Variants in PLEKHM2 observed in about 807,000 individuals in gnomAD.
The protein encoded by PLEKHM2 is pleckstrin homology domain-containing family M member 2.
PLEKHM2 carries 77 observed loss-of-function variants against 116.3 expected under a neutral mutation model. The observed-to-expected ratio is 0.66, with a 90% CI of 0.55 to 0.80. PLEKHM2 has a LOEUF of 0.80. PLEKHM2 is among the 30% of genes least tolerant of loss of function. The pLI is 0.00. For missense variants in PLEKHM2, 1,183 were observed against 1,354.9 expected, an observed-to-expected ratio of 0.87 and a Z score of 1.99; for synonymous variants, 562 against 571.0, an observed-to-expected ratio of 0.98 and a Z score of 0.22.
At chr1:15,731,530 T>C (rs764978050) in intron 16 of PLEKHM2, among the ~76,000 whole-genome samples, 3 of 152,072 alleles carry the variant, frequency 2.0e-5, no homozygotes, top group African/African-American at 4.8e-5. Flanking sequence ...TGATGGGAGA[T>C]GGACGTTCGG....
intron 1 of PLEKHM2, among the ~76,000 whole-genome samples, chr1:15,688,627 G>A (rs961353967): frequency 6.7e-6 from 1 of 149,564 alleles, no homozygotes; most frequent in East Asian, 2.0e-4. Flanking sequence ...TCCAGCGTGG[G>A]TGACAGAGGG....
At chr1:15,682,087 A>T (rs150263500), upstream of PLEKHM2, among the ~76,000 whole-genome samples, 1,657 of 152,138 alleles carry the variant, frequency 0.011, 30 homozygotes, top group African/African-American at 0.036. Context: ...ACTCTCAGCT[A>T]CTGGGGAGGC....
rs772921911 is a variant in PLEKHM2, at chr1:15,728,378, G to A, written c.1921+21G>A. 1.9e-6 allele frequency: 3 copies of A among 1,600,160 alleles called. No individual in the cohort carries two copies. The highest frequency in any genetic ancestry group is 2.6e-6 in the Non-Finnish European group (3 of 1,169,928). On this transcript the variant is annotated intron_variant, in intron 11 of 19. Transcript: ENST00000375799. The surrounding 1 kb of genome is among the most constrained non-coding windows in gnomAD (Gnocchi z 5.9). ...GAAAGGTGCCCGCCGCCCCCGGGCA[G>A]ACAGCGGGTTGTAGACGAGGCTGAC...
chr1:15,704,509 TAA>T (rs1222456212), intron 1 of PLEKHM2, among the ~76,000 whole-genome samples: 1 of 152,218 alleles, frequency 6.6e-6, no homozygotes, highest in Non-Finnish European at 1.5e-5. Flanking sequence ...TACGTATTGT[TAA>T]AAAATGAGGA....
In PLEKHM2 at chr1:15,729,985, G is replaced by A. The variant is rs1393076482; in HGVS notation, c.2208+56G>A. 7 of 1,525,838 alleles carry A rather than the reference G, an allele frequency of 4.6e-6. No homozygotes were observed. Among genetic ancestry groups the A allele is most frequent in the Non-Finnish European group, 6.2e-6 (7 of 1,130,096 alleles). The allele number at this position is 1,525,838 out of a possible 1,614,324, so 94.5% of individuals were successfully genotyped here. A position where few individuals can be genotyped will look rare whatever the true frequency, so the allele number is the denominator to read the frequency against. On this transcript the variant is annotated intron_variant, in intron 14 of 19. Transcript: ENST00000375799. The surrounding 1 kb of genome is among the most constrained non-coding windows in gnomAD (Gnocchi z 4.7). ...CCCCTGAGATGGCAGAGCAGCAGCC[G>A]CCTTGGCGTGAGCGTTAAGGGATGC...
At chr1:15,720,252 C>A in intron 6 of PLEKHM2, 1 of 777,734 alleles carries the variant, frequency 1.3e-6, no homozygotes, top group Non-Finnish European at 1.6e-6. Flanking sequence ...GACCTGGAAA[C>A]CTTGTCGCAG....
In PLEKHM2 at chr1:15,721,468, C is replaced by A; in HGVS notation, c.712+80C>A. 1 of 810,952 alleles carries A rather than the reference C, an allele frequency of 1.2e-6. No individual in the cohort carries two copies. Among genetic ancestry groups the A allele is most frequent in the Non-Finnish European group, 2.0e-6 (1 of 492,156 alleles). The allele number at this position is 810,952 out of a possible 1,614,324, so 50.2% of individuals were successfully genotyped here. A position where few individuals can be genotyped will look rare whatever the true frequency, so the allele number is the denominator to read the frequency against. ...AAGCTTGCTGCATGTATCAAATCAG[C>A]TCCTTATTATTTATAATAATATCCA... is the stretch of plus-strand genomic sequence containing the variant. On this transcript the variant is annotated intron_variant, in intron 7 of 19. Transcript: ENST00000375799. The surrounding 1 kb of genome is among the most constrained non-coding windows in gnomAD (Gnocchi z 5.1).
At chr1:15,724,846 C>T (rs2068041055) in intron 7 of PLEKHM2, among the ~76,000 whole-genome samples, 1 of 152,168 alleles carries the variant, frequency 6.6e-6, no homozygotes, top group Admixed American at 6.5e-5. Flanking sequence ...CTTTGGGCAC[C>T]TCTCAGCCCT....
rs961545436 is a variant in PLEKHM2, at chr1:15,719,724, C to G, written c.466-10C>G. 8.7e-6 allele frequency: 14 copies of G among 1,604,788 alleles called. No individual in the cohort carries two copies. The highest frequency in any genetic ancestry group is 5.3e-5 in the African/African-American group (4 of 74,818). ...TCCCACCAAACGGGCCTCCTCTACT[C>G]TCTCCTCAGGATGCCCCTTACCTAG... On this transcript the variant is annotated splice_polypyrimidine_tract_variant and intron_variant, in intron 5 of 19. Coordinates refer to ENST00000375799, the MANE Select transcript of PLEKHM2 (RefSeq NM_015164.4). This position sits in a 1 kb window ranked among gnomAD's most constrained non-coding sequence, Gnocchi z 4.1.
In PLEKHM2 at chr1:15,729,732, C is replaced by G; in HGVS notation, c.2076-65C>G. The G allele has an allele frequency of 6.8e-7, 1 of 1,466,598 alleles. No individual in the cohort carries two copies. Among genetic ancestry groups the G allele is most frequent in the Admixed American group, 2.0e-5 (1 of 49,700 alleles). The allele number at this position is 1,466,598 out of a possible 1,614,324, so 90.8% of individuals were successfully genotyped here. A position where few individuals can be genotyped will look rare whatever the true frequency, so the allele number is the denominator to read the frequency against. The stretch of plus-strand genomic sequence containing the variant: ...CCCTCCAGGCCAGCAGCGCTCAAGA[C>G]TAAGCCCTGTCCAGTTGAGGCCCTG... On this transcript the variant is annotated intron_variant, in intron 13 of 19. Transcript: ENST00000375799. The surrounding 1 kb of genome is among the most constrained non-coding windows in gnomAD (Gnocchi z 4.7).
chr1:15,733,213 C>A (rs78738266), intron 19 of PLEKHM2, among the ~76,000 whole-genome samples: 1 of 152,314 alleles, frequency 6.6e-6, no homozygotes, highest in East Asian at 1.9e-4. Flanking sequence ...AACTTAGAAT[C>A]AAAAGGACAA....
intron 16 of PLEKHM2, 94 bp downstream of exon 16, chr1:15,731,351 C>A: frequency 1.1e-6 from 1 of 945,052 alleles, no homozygotes; most frequent in Non-Finnish European, 1.7e-6. Context: ...TTCAGCCTCG[C>A]CCTCAACCCC....
intron 8 of PLEKHM2, 28 bp downstream of exon 8, chr1:15,725,573 C>G: frequency 6.7e-7 from 1 of 1,503,420 alleles, no homozygotes; most frequent in Non-Finnish European, 9.0e-7. Context: ...CAGAAAGGAG[C>G]TGAGGTCCTG....
chr1:15,720,312 CAGA>C, intron 6 of PLEKHM2: 1 of 984,642 alleles, frequency 1.0e-6, no homozygotes, highest in Non-Finnish European at 1.2e-6. Context: ...ACATTCTTTG[CAGA>C]AGGAGGTTAA....
chr1:15,689,881 C>T (rs71631741), intron 1 of PLEKHM2, among the ~76,000 whole-genome samples: 31,421 of 152,022 alleles, frequency 0.21, 3,505 homozygotes, highest in African/African-American at 0.28. Context: ...CTCAGCCTCC[C>T]AAGTAGCTGG....
At position 15,716,792 on chromosome 1, in the gene PLEKHM2, C is replaced by T. The variant is rs756937849; in HGVS notation, c.253C>T (p.His85Tyr). 6.4e-7 allele frequency: 1 copy of T among 1,569,068 alleles called. No homozygotes were observed. The change falls in exon 3 of 20, where the codon CAC (histidine) becomes TAC (tyrosine). Residue 85 changes from histidine to tyrosine, a missense_variant. Transcript: ENST00000375799. Reference sequence around the variant, plus strand: ...CATCAAGCAGATCGAGGTGCTGCAGCACGTGGCCACCAACCTGGGGCGCAG... The same window carrying T: ...CATCAAGCAGATCGAGGTGCTGCAGTACGTGGCCACCAACCTGGGGCGCAG... ...EAIKQIEVLQ[H>Y]VATNLGRSRA...
intron 7 of PLEKHM2, among the ~76,000 whole-genome samples, chr1:15,724,083 A>G (rs1351631745): frequency 6.6e-6 from 1 of 151,914 alleles, no homozygotes; most frequent in Non-Finnish European, 1.5e-5. Context: ...TCCAGTAACC[A>G]GGGGCAGATG....
At chr1:15,730,021 CTT>C (rs1350567926) in intron 14 of PLEKHM2, 92 bp downstream of exon 14, 12 of 614,072 alleles carry the variant, frequency 2.0e-5, no homozygotes, top group South Asian at 1.3e-4. Flanking sequence ...ACGTGGATGT[CTT>C]TGCCATTTCA....
intron 1 of PLEKHM2, among the ~76,000 whole-genome samples, chr1:15,710,227 C>CAAAA (rs377012331): frequency 1.3e-5 from 1 of 74,146 alleles, no homozygotes. Context: ...ACTCCATCTC[C>CAAAA]AAAAAAAAAA....
Sources: allele counts gnomAD v4.1 joint callset (sites outside exome capture counted in the v4.1 genomes callset), GRCh38; gene constraint gnomAD v4.1.1; non-coding constraint Gnocchi (gnomAD v3.1); transcripts MANE v1.5; gene names NCBI Gene and HGNC (gene_info 2026-07-23, HGNC 2026-07-21).